Variants in SORCS1 observed in about 807,000 individuals in gnomAD.
SORCS1 encodes the protein sortilin related VPS10 domain containing receptor 1.
SORCS1 carries 60 observed loss-of-function variants against 146.1 expected under a neutral mutation model. The ratio of observed to expected loss-of-function variants is 0.41; its 90% CI spans 0.33 to 0.51. SORCS1 has a LOEUF of 0.51. Among genes scored for constraint, SORCS1 ranks in the 20% least tolerant of loss-of-function variants. The probability of loss-of-function intolerance (pLI) is 0.21; values close to 1 mark genes in which losing one functional copy is unlikely to be tolerated. For missense variants in SORCS1, 1,352 were observed against 1,487.6 expected (o/e 0.91, Z 1.50); for synonymous variants, 637 against 584.0 (o/e 1.09, Z -1.31).
chr10:106,827,399 T>C (rs944085402), intron 3 of SORCS1, among the ~76,000 whole-genome samples: 3 of 152,156 alleles, frequency 2.0e-5, no homozygotes, highest in African/African-American at 4.8e-5. Context: ...GGACTTAGAT[T>C]TCTGAATCTT....
chr10:106,687,944 C>T (rs1852985366), intron 10 of SORCS1, among the ~76,000 whole-genome samples: 3 of 152,176 alleles, frequency 2.0e-5, no homozygotes. Flanking sequence ...TTGAGGCCCT[C>T]ATCAGAACTT....
chr10:106,899,165 C>T (rs1951601567), intron 2 of SORCS1, among the ~76,000 whole-genome samples: 1 of 152,094 alleles, frequency 6.6e-6, no homozygotes. Flanking sequence ...AGTTATAAGC[C>T]AACCCTATTC....
intron 2 of SORCS1, among the ~76,000 whole-genome samples, chr10:106,890,915 C>T (rs1367455496): frequency 2.0e-5 from 3 of 151,934 alleles, no homozygotes; most frequent in South Asian, 2.1e-4. Flanking sequence ...TTCAGAGCAT[C>T]GATTCTACTT....
intron 1 of SORCS1, among the ~76,000 whole-genome samples, chr10:107,084,946 T>G (rs2134264974): frequency 6.6e-6 from 1 of 152,308 alleles, no homozygotes. Flanking sequence ...ATCTACCAGA[T>G]ATAAACTCTA....
chr10:107,102,734 A>T (rs1026825245), intron 1 of SORCS1, among the ~76,000 whole-genome samples: 2 of 152,212 alleles, frequency 1.3e-5, no homozygotes, highest in East Asian at 3.8e-4. Flanking sequence ...CTATTCTGCT[A>T]ACTAAATAGG....
At chr10:106,983,157 CAT>C (rs1216554841) in intron 1 of SORCS1, among the ~76,000 whole-genome samples, 4 of 147,152 alleles carry the variant, frequency 2.7e-5, no homozygotes, top group African/African-American at 7.4e-5. Flanking sequence ...TATATATACA[CAT>C]ATTTCTATAT....
intron 19 of SORCS1, among the ~76,000 whole-genome samples, chr10:106,625,544 G>C (rs1007264687): frequency 2.0e-5 from 3 of 152,068 alleles, no homozygotes; most frequent in Non-Finnish European, 2.9e-5. Context: ...TTTAATTTGG[G>C]GGCAGGTGGC....
chr10:107,101,573 C>G (rs1254590695), intron 1 of SORCS1, among the ~76,000 whole-genome samples: 1 of 152,192 alleles, frequency 6.6e-6, no homozygotes, highest in African/African-American at 2.4e-5. Flanking sequence ...AGCCCTCCCT[C>G]CTGGTCTCAA....
chr10:107,030,517 T>A (rs529409449), intron 1 of SORCS1, among the ~76,000 whole-genome samples: 1 of 152,186 alleles, frequency 6.6e-6, no homozygotes, highest in African/African-American at 2.4e-5. Context: ...AAATCACAAA[T>A]ACAACAGGTG....
intron 2 of SORCS1, among the ~76,000 whole-genome samples, chr10:106,900,158 C>T (rs1200308410): frequency 6.6e-6 from 1 of 152,092 alleles, no homozygotes; most frequent in Non-Finnish European, 1.5e-5. Context: ...TTCATTACAT[C>T]CTGTTTTTGC....
At chr10:107,026,550 G>A (rs915507208) in intron 1 of SORCS1, among the ~76,000 whole-genome samples, 1 of 151,472 alleles carries the variant, frequency 6.6e-6, no homozygotes, top group Non-Finnish European at 1.5e-5. Context: ...CCCAGGAGGC[G>A]AAGCTTGCAG....
chr10:106,940,042 G>A (rs944831988), intron 2 of SORCS1, among the ~76,000 whole-genome samples: 3 of 152,162 alleles, frequency 2.0e-5, no homozygotes, highest in African/African-American at 7.2e-5. Context: ...CATTACATTT[G>A]TATTTGAACA....
intron 2 of SORCS1, among the ~76,000 whole-genome samples, chr10:106,865,148 A>G (rs552909555): frequency 2.6e-5 from 4 of 151,538 alleles, no homozygotes; most frequent in African/African-American, 7.3e-5. Flanking sequence ...GACAGCTGCT[A>G]TACAAAAACA....
At position 106,911,455 on chromosome 10, in the gene SORCS1, A is replaced by AT. The variant is rs376576278; in HGVS notation, c.626+45057dup. ...CTTTTCTTCTCCTCTTAAATTTCAT[A>AT]TTTTTTTTTTCAGTCACACAGCCTC... On this transcript the variant is annotated intron_variant, in intron 2 of 25. Coordinates refer to ENST00000263054, the MANE Select transcript of SORCS1 (RefSeq NM_052918.5). Among the ~76,000 whole-genome samples the AT allele has an allele frequency of 1.1e-3, 159 of 149,606 alleles. 1 individual carries two copies. Among genetic ancestry groups the AT allele is most frequent in the South Asian group, 3.2e-3 (15 of 4,724 alleles).
rs570231177 is a variant in SORCS1 at position 106,629,047 on chromosome 10, T to C, written c.2662+155A>G. Among the ~76,000 whole-genome samples, 3 of 152,374 alleles carry C rather than the reference T, an allele frequency of 2.0e-5. No individual in the cohort carries two copies. In the South Asian group the frequency reaches 6.2e-4, roughly 32 times the overall value. On this transcript the variant is annotated intron_variant, in intron 19 of 25. Transcript: ENST00000263054. Reference sequence around the variant, plus strand: ...TTCTACTCTTTGATTTTCTTCTCACTCTTTCCTTATTTTGGTCTCTTAATC... The same window carrying C: ...TTCTACTCTTTGATTTTCTTCTCACCCTTTCCTTATTTTGGTCTCTTAATC...
intron 22 of SORCS1, among the ~76,000 whole-genome samples, chr10:106,608,803 G>C (rs553957598): frequency 6.6e-6 from 1 of 152,284 alleles, no homozygotes; most frequent in Admixed American, 6.5e-5. Context: ...CATGGACAAG[G>C]GAAAACTTGA....
chr10:106,793,918 A>G (rs950910643), intron 3 of SORCS1, among the ~76,000 whole-genome samples: 2 of 152,250 alleles, frequency 1.3e-5, no homozygotes, highest in Non-Finnish European at 2.9e-5. Context: ...AATGTAAATG[A>G]GCACATGTGC....
chr10:107,095,043 C>G (rs533894562), intron 1 of SORCS1, among the ~76,000 whole-genome samples: 9 of 152,294 alleles, frequency 5.9e-5, no homozygotes, highest in African/African-American at 2.2e-4. Context: ...AAAATCCCCC[C>G]TGGCCTAGTG....
chr10:107,162,486 C>T (rs1307069512), intron 1 of SORCS1, among the ~76,000 whole-genome samples: 3 of 152,162 alleles, frequency 2.0e-5, no homozygotes, highest in Non-Finnish European at 4.4e-5. Context: ...GTCTCCAGAA[C>T]TTGAATGGAA....
Sources: allele counts gnomAD v4.1 joint callset (sites outside exome capture counted in the v4.1 genomes callset), GRCh38; gene constraint gnomAD v4.1.1; transcripts MANE v1.5; gene names NCBI Gene and HGNC (gene_info 2026-07-23, HGNC 2026-07-21).